JHY: variants seen among roughly 807,000 people sequenced by gnomAD.
JHY encodes the protein junctional cadherin complex regulator.
A neutral mutation model predicts 78.0 loss-of-function variants in JHY; 69 were observed. That is an observed-to-expected ratio of 0.88 (90% confidence interval 0.73 to 1.08). The LOEUF is 1.08. Among genes scored for constraint, JHY ranks in the 50% least tolerant of loss-of-function variants. The pLI, the probability that JHY is intolerant of heterozygous loss-of-function variation, is 0.00. For synonymous variants in JHY, 368 were observed against 342.6 expected, an observed-to-expected ratio of 1.07 and a Z score of -0.82; for missense variants, 944 against 927.8, an observed-to-expected ratio of 1.02 and a Z score of -0.23.
intron 4 of JHY, among the ~76,000 whole-genome samples, chr11:122,930,715 T>C (rs1863618683): frequency 6.6e-6 from 1 of 152,314 alleles, no homozygotes; most frequent in Admixed American, 6.5e-5. Context: ...TCACAGGTTT[T>C]CCAAATCCTG....
rs1205210515 is a variant in JHY at position 122,885,899 on chromosome 11, T to A, written c.50T>A (p.Leu17His). The A allele has an allele frequency of 6.2e-7, 1 of 1,614,188 alleles. No individual in the cohort carries two copies. The highest frequency in any genetic ancestry group is 1.1e-5 in the South Asian group (1 of 91,078). The stretch of plus-strand genomic sequence containing the variant: ...AAGCTCTCTATTCAATCTCCTGTCC[T>A]TCATACCAACTTAAATGTCCAGTCC... Reference protein sequence around the residue: ...IPKLSIQSPVLHTNLNVQSTH... With the variant: ...IPKLSIQSPVHHTNLNVQSTH... The change falls in exon 2 of 9, where the codon CTT becomes CAT. Residue 17 changes from leucine to histidine, a missense_variant. Transcript: ENST00000227349.
At chr11:122,902,328 G>T (rs1170786969) in intron 2 of JHY, among the ~76,000 whole-genome samples, 5 of 151,864 alleles carry the variant, frequency 3.3e-5, no homozygotes, top group Non-Finnish European at 7.4e-5. Context: ...AGCCCGACAT[G>T]TTAAAACATA....
intron 4 of JHY, among the ~76,000 whole-genome samples, chr11:122,932,151 C>A (rs1427373866): frequency 1.3e-5 from 2 of 152,162 alleles, no homozygotes; most frequent in South Asian, 4.1e-4. Flanking sequence ...GTCTTGCCAC[C>A]TAAAGAGTGA....
At chr11:122,922,177 A>C (rs1863380701) in intron 3 of JHY, among the ~76,000 whole-genome samples, 1 of 152,224 alleles carries the variant, frequency 6.6e-6, no homozygotes, top group African/African-American at 2.4e-5. Flanking sequence ...TGTTTTAGGA[A>C]TGAAAATTCA....
intron 6 of JHY, among the ~76,000 whole-genome samples, chr11:122,955,566 C>T (rs1166183124): frequency 6.6e-6 from 1 of 152,112 alleles, no homozygotes; most frequent in Non-Finnish European, 1.5e-5. Context: ...GTCTCACTTT[C>T]TTGCTTTCTG....
intron 5 of JHY, among the ~76,000 whole-genome samples, chr11:122,940,865 C>A (rs1158687019): frequency 6.6e-6 from 1 of 151,926 alleles, no homozygotes. Flanking sequence ...CTCTCTCTCT[C>A]TCTCCCTCTC....
At chr11:122,944,926 T>C (rs1021386002) in intron 5 of JHY, among the ~76,000 whole-genome samples, 1 of 152,152 alleles carries the variant, frequency 6.6e-6, no homozygotes, top group Admixed American at 6.5e-5. Context: ...TCCTCTGGTT[T>C]TGGTGTTCTG....
At position 122,951,446 on chromosome 11, in the gene JHY, G is replaced by A. The variant is rs565800954; in HGVS notation, c.1929+4654G>A. 2.0e-5 allele frequency among the ~76,000 whole-genome samples: 3 copies of A among 152,256 alleles called. No individual in the cohort carries two copies. In the East Asian group the frequency reaches 5.8e-4, roughly 29 times the overall value. The stretch of plus-strand genomic sequence containing the variant: ...TGCTGCTTGACTGCTTCTAAGAAGG[G>A]GTTTATTTGGATTAAGTTTAGCAAC... On this transcript the variant is annotated intron_variant, in intron 6 of 8. Coordinates refer to ENST00000227349, the MANE Select transcript of JHY (RefSeq NM_024806.4).
chr11:122,925,944 A>G (rs1863488496), intron 4 of JHY, among the ~76,000 whole-genome samples: 1 of 151,898 alleles, frequency 6.6e-6, no homozygotes, highest in Non-Finnish European at 1.5e-5. Context: ...TTGAACCTGG[A>G]AGGCGAAGGT....
intron 2 of JHY, among the ~76,000 whole-genome samples, chr11:122,892,067 G>C (rs1862627133): frequency 6.6e-6 from 1 of 152,012 alleles, no homozygotes; most frequent in Non-Finnish European, 1.5e-5. Flanking sequence ...ATTTTCCTTT[G>C]GGCTGGGAGG....
At chr11:122,891,806 C>T (rs1457339792) in intron 2 of JHY, among the ~76,000 whole-genome samples, 3 of 152,074 alleles carry the variant, frequency 2.0e-5, no homozygotes, top group Middle Eastern at 3.4e-3. Flanking sequence ...GATAGTAGAG[C>T]CAGAAATTAA....
At position 122,903,444 on chromosome 11, in the gene JHY, TG is replaced by T. The variant is rs537178485; in HGVS notation, c.345-478del. 3.2e-4 allele frequency among the ~76,000 whole-genome samples: 49 copies of T among 152,322 alleles called. No individual in the cohort carries two copies. In the South Asian group the frequency reaches 3.9e-3, roughly 12 times the overall value. ...TTATGTGTAGTGTGTGGGTCTAATT[TG>T]GGCCTGGGATCTGTCTTTATGTTTA... On this transcript the variant is annotated intron_variant, in intron 2 of 8. Coordinates refer to ENST00000227349, the MANE Select transcript of JHY (RefSeq NM_024806.4).
chr11:122,897,823 G>A (rs1862768961), intron 2 of JHY, among the ~76,000 whole-genome samples: 1 of 152,174 alleles, frequency 6.6e-6, no homozygotes, highest in South Asian at 2.1e-4. Flanking sequence ...CAGTATGAGT[G>A]CACCAGTTTT....
chr11:122,930,432 C>G (rs1863613852), intron 4 of JHY, among the ~76,000 whole-genome samples: 1 of 152,078 alleles, frequency 6.6e-6, no homozygotes, highest in Non-Finnish European at 1.5e-5. Context: ...TGTTTTTTTC[C>G]TTCTTTTCAT....
At chr11:122,885,421 C>T (rs1030019314) in intron 1 of JHY, among the ~76,000 whole-genome samples, 1 of 152,140 alleles carries the variant, frequency 6.6e-6, no homozygotes, top group Admixed American at 6.6e-5. Context: ...ATAAGGCTAT[C>T]AAAGTACTGT....
chr11:122,919,876 T>G (rs1486331591), intron 3 of JHY, among the ~76,000 whole-genome samples: 1 of 152,176 alleles, frequency 6.6e-6, no homozygotes, highest in African/African-American at 2.4e-5. Flanking sequence ...TGAACATGTA[T>G]GTGCATGCTA....
At chr11:122,956,623 C>A in intron 7 of JHY, 47 bp downstream of exon 7, 1 of 1,539,600 alleles carries the variant, frequency 6.5e-7, no homozygotes. Context: ...CTCAGCCCAT[C>A]TGTCTGTTAG....
chr11:122,886,328 C>A, intron 2 of JHY, 135 bp downstream of exon 2: 1 of 808,836 alleles, frequency 1.2e-6, no homozygotes, highest in Non-Finnish European at 1.9e-6. Context: ...TCCAAGCAGC[C>A]AAGGATAGCT....
At chr11:122,895,532 C>G (rs1343608954) in intron 2 of JHY, among the ~76,000 whole-genome samples, 2 of 152,146 alleles carry the variant, frequency 1.3e-5, no homozygotes, top group East Asian at 3.8e-4. Flanking sequence ...TTGAAGTTAT[C>G]ACAATAAGTA....
Sources: allele counts gnomAD v4.1 joint callset (sites outside exome capture counted in the v4.1 genomes callset), GRCh38; gene constraint gnomAD v4.1.1; transcripts MANE v1.5; gene names NCBI Gene and HGNC (gene_info 2026-07-23, HGNC 2026-07-21).